HS3ST4: variants seen among roughly 807,000 people sequenced by gnomAD.
HS3ST4 encodes the protein heparan sulfate-glucosamine 3-sulfotransferase 4, also known as heparan sulfate glucosamine 3-O-sulfotransferase 4.
HS3ST4 carries 17 observed loss-of-function variants against 29.2 expected under a neutral mutation model. The ratio of observed to expected loss-of-function variants is 0.58; its 90% CI spans 0.40 to 0.87. The LOEUF (loss-of-function observed/expected upper bound fraction) is 0.87. Ranked by LOEUF, HS3ST4 falls within the 40% of genes least tolerant of loss-of-function variation. HS3ST4 has a pLI of 0.00. For missense variants in HS3ST4, 627 were observed against 634.5 expected (o/e 0.99, Z 0.13); for synonymous variants, 314 against 285.7 (o/e 1.10, Z -1.00).
At chr16:25,823,819 C>T (rs1967187988) in intron 1 of HS3ST4, among the ~76,000 whole-genome samples, 1 of 152,236 alleles carries the variant, frequency 6.6e-6, no homozygotes, top group South Asian at 2.1e-4. Context: ...CTGCCTTGGT[C>T]TCTCAAAGTC....
At chr16:25,845,887 G>A (rs993319287) in intron 1 of HS3ST4, among the ~76,000 whole-genome samples, 5 of 151,564 alleles carry the variant, frequency 3.3e-5, no homozygotes, top group Admixed American at 1.3e-4. Flanking sequence ...TTATCTATTC[G>A]GACCTTTACT....
chr16:25,878,665 C>T (rs1011652330), intron 1 of HS3ST4, among the ~76,000 whole-genome samples: 1 of 152,152 alleles, frequency 6.6e-6, no homozygotes, highest in African/African-American at 2.4e-5. Flanking sequence ...AAGGGCAGGA[C>T]CTTGTGTTTA....
At chr16:25,877,029 G>A (rs1220167716) in intron 1 of HS3ST4, among the ~76,000 whole-genome samples, 1 of 151,984 alleles carries the variant, frequency 6.6e-6, no homozygotes, top group Non-Finnish European at 1.5e-5. Flanking sequence ...GTAAGTGTCA[G>A]TAAATGTTTA....
chr16:25,946,744 T>C (rs950884289), intron 1 of HS3ST4, among the ~76,000 whole-genome samples: 1 of 152,128 alleles, frequency 6.6e-6, no homozygotes, highest in African/African-American at 2.4e-5. Flanking sequence ...GGGGGCAATT[T>C]ACCTAACCAA....
chr16:25,943,885 G>A (rs139202956), intron 1 of HS3ST4, among the ~76,000 whole-genome samples: 2 of 152,092 alleles, frequency 1.3e-5, no homozygotes, highest in Admixed American at 1.3e-4. Flanking sequence ...TATCTGCTTG[G>A]CATTTTCCTA....
chr16:25,694,869 G>C (rs2943331), intron 1 of HS3ST4, among the ~76,000 whole-genome samples: 142,287 of 152,002 alleles, frequency 0.94, 66,932 homozygotes, highest in East Asian at 1. Flanking sequence ...AGGTGTTTGG[G>C]TTTGTGGCAG....
intron 1 of HS3ST4, among the ~76,000 whole-genome samples, chr16:25,828,297 TTTCC>T (rs1227499758): frequency 0.012 from 802 of 69,248 alleles, 14 homozygotes; most frequent in Non-Finnish European, 0.015. Context: ...TCTTTCTTTC[TTTCC>T]CTCTCTCTCT....
At chr16:26,088,795 G>A (rs949048471) in intron 1 of HS3ST4, among the ~76,000 whole-genome samples, 1 of 152,146 alleles carries the variant, frequency 6.6e-6, no homozygotes, top group East Asian at 1.9e-4. Flanking sequence ...TCCAGTTAGC[G>A]ATCATGAGGT....
At chr16:25,863,316 C>T (rs1297824395) in intron 1 of HS3ST4, among the ~76,000 whole-genome samples, 1 of 152,054 alleles carries the variant, frequency 6.6e-6, no homozygotes, top group African/African-American at 2.4e-5. Flanking sequence ...CTCTTGACCT[C>T]CTGATCTGCC....
chr16:25,803,315 A>C (rs969733118), intron 1 of HS3ST4, among the ~76,000 whole-genome samples: 2 of 152,158 alleles, frequency 1.3e-5, no homozygotes, highest in African/African-American at 4.8e-5. Flanking sequence ...ATAAAAACTG[A>C]GACAATTTTC....
chr16:25,829,815 ATTTATT>A (rs1967275054), intron 1 of HS3ST4, among the ~76,000 whole-genome samples: 1 of 151,940 alleles, frequency 6.6e-6, no homozygotes, highest in Non-Finnish European at 1.5e-5. Flanking sequence ...AAAATTATTT[ATTTATT>A]TTTATTTTTA....
At chr16:25,828,293 T>TC (rs1967251373) in intron 1 of HS3ST4, among the ~76,000 whole-genome samples, 21 of 76,780 alleles carry the variant, frequency 2.7e-4, no homozygotes, top group South Asian at 5.5e-4. Flanking sequence ...TCTTTCTTTC[T>TC]TTCTTTCCCT....
chr16:25,831,001 T>A (rs115227821), intron 1 of HS3ST4, among the ~76,000 whole-genome samples: 14,697 of 152,240 alleles, frequency 0.097, 831 homozygotes, highest in African/African-American at 0.15. Context: ...CACATTCTGC[T>A]GCTCTTCCTC....
intron 1 of HS3ST4, among the ~76,000 whole-genome samples, chr16:25,850,262 A>G (rs976277283): frequency 2.0e-5 from 3 of 152,156 alleles, no homozygotes; most frequent in Non-Finnish European, 4.4e-5. Context: ...TGTTGGGATT[A>G]CAGGCGTGAG....
chr16:26,046,602 G>C (rs1409756194), intron 1 of HS3ST4, among the ~76,000 whole-genome samples: 1 of 152,092 alleles, frequency 6.6e-6, no homozygotes, highest in Non-Finnish European at 1.5e-5. Context: ...TCACCACCCT[G>C]AATCAGATTT....
rs566321718 is a variant in HS3ST4 at position 25,933,931 on chromosome 16, T to A, written c.735-201681T>A. On this transcript the variant is annotated intron_variant, in intron 1 of 1. Transcript: ENST00000331351. ...CCCATAACTCAAACACCAGGCCCCA[T>A]CTCCAGCATTGGAGGTCGCATGTGA... is the stretch of plus-strand genomic sequence containing the variant. Among the ~76,000 whole-genome samples, 29 of 152,240 alleles carry A rather than the reference T, an allele frequency of 1.9e-4. 1 individual carries two copies. The highest frequency in any genetic ancestry group is 6.8e-3 in the Middle Eastern group (2 of 294).
chr16:25,777,935 A>G (rs1377488507), intron 1 of HS3ST4, among the ~76,000 whole-genome samples: 1 of 152,200 alleles, frequency 6.6e-6, no homozygotes, highest in African/African-American at 2.4e-5. Context: ...ATTTGCATAG[A>G]GAGAGAAATA....
intron 1 of HS3ST4, among the ~76,000 whole-genome samples, chr16:25,809,471 G>A (rs1176545482): frequency 6.6e-6 from 1 of 152,066 alleles, no homozygotes; most frequent in Non-Finnish European, 1.5e-5. Flanking sequence ...GTATTGATCG[G>A]TATTTTCTTT....
At chr16:25,772,119 A>G (rs747601186) in intron 1 of HS3ST4, among the ~76,000 whole-genome samples, 27 of 152,228 alleles carry the variant, frequency 1.8e-4, no homozygotes, top group Non-Finnish European at 3.4e-4. Flanking sequence ...GCAGCAGGCT[A>G]GATTTGGAAC....
Sources: allele counts gnomAD v4.1 joint callset (sites outside exome capture counted in the v4.1 genomes callset), GRCh38; gene constraint gnomAD v4.1.1; transcripts MANE v1.5; gene names NCBI Gene and HGNC (gene_info 2026-07-23, HGNC 2026-07-21).